The following FHIT variants were observed in gnomAD, a reference collection of about 807,000 sequenced individuals.
The protein encoded by FHIT is fragile histidine triad diadenosine triphosphatase, also known as bis(5'-adenosyl)-triphosphatase.
Under a neutral mutation model 17.9 loss-of-function variants are expected in FHIT, and 19 were observed. The ratio of observed to expected loss-of-function variants is 1.06; its 90% CI spans 0.74 to 1.56. The LOEUF (loss-of-function observed/expected upper bound fraction) is 1.56, where lower values mean the gene tolerates loss of function less well. FHIT is among the 40% of genes most tolerant of loss of function. The pLI is 0.00. For synonymous variants in FHIT, 81 were observed against 69.7 expected, an observed-to-expected ratio of 1.16 and a Z score of -0.81; for missense variants, 248 against 189.2, an observed-to-expected ratio of 1.31 and a Z score of -1.82.
At chr3:60,307,887 C>T (rs1344095115) in intron 5 of FHIT, among the ~76,000 whole-genome samples, 1 of 152,040 alleles carries the variant, frequency 6.6e-6, no homozygotes, top group Non-Finnish European at 1.5e-5. Flanking sequence ...TCGGCACACA[C>T]GTGTACTGTG....
chr3:60,243,568 C>T (rs539848283), intron 5 of FHIT, among the ~76,000 whole-genome samples: 21 of 152,172 alleles, frequency 1.4e-4, no homozygotes, highest in South Asian at 4.1e-4. Flanking sequence ...TTAAGCTCCA[C>T]GGTTTAAGCC....
chr3:60,327,172 A>G lies in FHIT; in HGVS notation c.103+209688T>C, dbSNP rs1709733975. 2.6e-5 allele frequency among the ~76,000 whole-genome samples: 4 copies of G among 152,160 alleles called. No individual in the cohort carries two copies. The South Asian group carries it at 8.3e-4, about 31-fold the overall frequency. On this transcript the variant is annotated intron_variant, in intron 5 of 9. Transcript: ENST00000492590. The stretch of plus-strand genomic sequence containing the variant: ...TAACACAGTCTATGTTTCATATTCC[A>G]TCTTCTTCATCAGCTTCTTTATCCC...
intron 5 of FHIT, among the ~76,000 whole-genome samples, chr3:60,501,859 A>G (rs986167601): frequency 2.0e-5 from 3 of 152,250 alleles, no homozygotes; most frequent in Non-Finnish European, 2.9e-5. Flanking sequence ...ATACACATGC[A>G]TATTACGCAC....
intron 8 of FHIT, among the ~76,000 whole-genome samples, chr3:59,823,403 T>C (rs972757969): frequency 5.9e-5 from 9 of 151,972 alleles, no homozygotes; most frequent in Admixed American, 2.0e-4. Context: ...TTTCACAATA[T>C]TGATTCTACT....
At chr3:60,407,703 G>C (rs1193164060) in intron 5 of FHIT, among the ~76,000 whole-genome samples, 1 of 151,950 alleles carries the variant, frequency 6.6e-6, no homozygotes, top group Non-Finnish European at 1.5e-5. Flanking sequence ...TTTTAGTCGA[G>C]ACAGGGTTTC....
chr3:60,816,055 G>A (rs532748450), intron 4 of FHIT, among the ~76,000 whole-genome samples: 9 of 152,090 alleles, frequency 5.9e-5, no homozygotes, highest in African/African-American at 2.2e-4. Flanking sequence ...CATTATTGGT[G>A]TACAGAAATG....
At chr3:60,131,200 C>T (rs1332648494) in intron 5 of FHIT, among the ~76,000 whole-genome samples, 1 of 151,568 alleles carries the variant, frequency 6.6e-6, no homozygotes, top group Non-Finnish European at 1.5e-5. Context: ...ATAGTATTTG[C>T]ATATAACCTT....
chr3:60,579,303 T>C (rs1477660597), intron 4 of FHIT, among the ~76,000 whole-genome samples: 2 of 152,298 alleles, frequency 1.3e-5, no homozygotes, highest in Admixed American at 6.5e-5. Flanking sequence ...ACATACTGAA[T>C]ACTGTAGATA....
intron 5 of FHIT, among the ~76,000 whole-genome samples, chr3:60,130,873 G>A (rs906372626): frequency 3.2e-4 from 40 of 126,954 alleles, no homozygotes; most frequent in East Asian, 1.1e-3. Flanking sequence ...ATATAGACAC[G>A]TATACATGTA....
At position 60,701,228 on chromosome 3, in the gene FHIT, ATCCTCCAACCTC is replaced by A. The variant is rs1293965638; in HGVS notation, c.-18+120679_-18+120690del. On this transcript the variant is annotated intron_variant, in intron 4 of 9. Coordinates refer to ENST00000492590, the MANE Select transcript of FHIT (RefSeq NM_002012.4). The stretch of plus-strand genomic sequence containing the variant: ...AGCCTCGACTTCCCTGGCTCTGGTG[ATCCTCCAACCTC>A]AGCCTCCAAAGTAGCTGGGACTACA... Among the ~76,000 whole-genome samples, 10 of 148,922 alleles carry A rather than the reference ATCCTCCAACCTC, an allele frequency of 6.7e-5. No homozygotes were observed. The East Asian group carries it at 1.8e-3, about 27-fold the overall frequency.
chr3:60,193,183 C>G (rs939045046), intron 5 of FHIT, among the ~76,000 whole-genome samples: 1 of 152,178 alleles, frequency 6.6e-6, no homozygotes, highest in African/African-American at 2.4e-5. Flanking sequence ...TTTACGAGAA[C>G]TACTGTAATC....
intron 3 of FHIT, among the ~76,000 whole-genome samples, chr3:60,909,437 G>T (rs999033000): frequency 6.6e-6 from 1 of 151,432 alleles, no homozygotes; most frequent in Non-Finnish European, 1.5e-5. Flanking sequence ...GAGTTCATTC[G>T]TTGTGGAACG....
In FHIT at chr3:60,597,300, T is replaced by C. The variant is rs116238134; in HGVS notation, c.-17-60321A>G. Reference sequence around the variant, plus strand: ...AATAGTGAGAACTTTTGCTATAAAATTGTTTTACAGCAGCTAACAAGCAGT... The same window carrying C: ...AATAGTGAGAACTTTTGCTATAAAACTGTTTTACAGCAGCTAACAAGCAGT... On this transcript the variant is annotated intron_variant, in intron 4 of 9. Coordinates refer to ENST00000492590, the MANE Select transcript of FHIT (RefSeq NM_002012.4). Among the ~76,000 whole-genome samples, 949 of 152,230 alleles carry C rather than the reference T, an allele frequency of 6.2e-3. 7 individuals are homozygous for C. Among genetic ancestry groups the C allele is most frequent in the Non-Finnish European group, 8.2e-3 (559 of 68,010 alleles).
rs1314293507 is a variant in FHIT at position 60,539,738 on chromosome 3, C to T, written c.-17-2759G>A. 2.6e-5 allele frequency among the ~76,000 whole-genome samples: 4 copies of T among 151,884 alleles called. No individual in the cohort carries two copies. The East Asian group carries it at 7.7e-4, about 29-fold the overall frequency. Reference sequence around the variant, plus strand: ...TTCTCACTTATAGGTGGGAATTGAACAATGAGAACACTTGGACACAGGAAG... The same window carrying T: ...TTCTCACTTATAGGTGGGAATTGAATAATGAGAACACTTGGACACAGGAAG... On this transcript the variant is annotated intron_variant, in intron 4 of 9. Coordinates refer to ENST00000492590, the MANE Select transcript of FHIT (RefSeq NM_002012.4).
chr3:60,497,134 A>G (rs1481084056), intron 5 of FHIT, among the ~76,000 whole-genome samples: 1 of 151,950 alleles, frequency 6.6e-6, no homozygotes, highest in East Asian at 1.9e-4. Flanking sequence ...ATGGTATTGT[A>G]TCTGGTCGGT....
chr3:59,766,483 T>A (rs534227674), intron 8 of FHIT, among the ~76,000 whole-genome samples: 1 of 152,320 alleles, frequency 6.6e-6, no homozygotes, highest in South Asian at 2.1e-4. Context: ...TTCACACAGG[T>A]TGCTGTTCTT....
At chr3:60,628,224 T>C (rs1350387820) in intron 4 of FHIT, among the ~76,000 whole-genome samples, 1 of 152,084 alleles carries the variant, frequency 6.6e-6, no homozygotes, top group African/African-American at 2.4e-5. Flanking sequence ...TATTTAGGAG[T>C]GTGTTGTTTA....
chr3:60,496,491 T>C (rs1171661838), intron 5 of FHIT, among the ~76,000 whole-genome samples: 1 of 152,136 alleles, frequency 6.6e-6, no homozygotes, highest in East Asian at 1.9e-4. Context: ...TTAAAAAGTG[T>C]GCCAATGCAA....
chr3:60,321,607 T>C (rs1709436066), intron 5 of FHIT, among the ~76,000 whole-genome samples: 2 of 152,230 alleles, frequency 1.3e-5, no homozygotes, highest in South Asian at 4.1e-4. Context: ...CCAAAGCCTG[T>C]AGGAGAACTG....
Sources: allele counts gnomAD v4.1 joint callset (sites outside exome capture counted in the v4.1 genomes callset), GRCh38; gene constraint gnomAD v4.1.1; transcripts MANE v1.5; gene names NCBI Gene and HGNC (gene_info 2026-07-23, HGNC 2026-07-21).